The following LRRC49 variants were observed in gnomAD, a reference collection of about 807,000 sequenced individuals.
LRRC49 encodes leucine rich repeat containing 49.
Under a neutral mutation model 83.3 loss-of-function variants are expected in LRRC49, and 50 were observed. The observed-to-expected ratio is 0.60, with a 90% confidence interval of 0.48 to 0.76. The LOEUF is 0.76. Ranked by LOEUF, LRRC49 falls within the 30% of genes least tolerant of loss-of-function variation. The probability of loss-of-function intolerance (pLI) is 0.00; values close to 1 mark genes in which losing one functional copy is unlikely to be tolerated. For synonymous variants in LRRC49, 286 were observed against 283.3 expected (o/e 1.01, Z -0.10); for missense variants, 704 against 809.1 (o/e 0.87, Z 1.58).
At chr15:70,899,424 A>G (rs1247513033) in intron 3 of LRRC49, among the ~76,000 whole-genome samples, 1 of 152,106 alleles carries the variant, frequency 6.6e-6, no homozygotes, top group Non-Finnish European at 1.5e-5. Flanking sequence ...CTTGATTTCC[A>G]AATCAATTTA....
chr15:71,008,496 G>C lies in LRRC49; in HGVS notation c.1287G>C (p.Leu429=). The C allele has an allele frequency of 6.2e-7, 1 of 1,612,716 alleles. No homozygotes were observed. Among genetic ancestry groups the C allele is most frequent in the Non-Finnish European group, 8.5e-7 (1 of 1,179,102 alleles). ...ATGGCTCAGGAGCACTGGAATCTCT[G>C]GATAGGAATTGGAGTGTTCAAACAG... ...SLYGSGALES[L]DRNWSVQTAG... is the part of the protein sequence containing the mutation. The change falls in exon 12 of 16, where the codon CTG becomes CTC. Residue 429 remains leucine, a synonymous_variant. Transcript: ENST00000260382.
rs76360852 is a variant in LRRC49, at chr15:70,997,127, T to C, written c.1170-11252T>C. ...TTCTGTCTGGTTGTTCTATCCATTA[T>C]TGAAGGTAGGGTATTGAAGTCTCCA... On this transcript the variant is annotated intron_variant, in intron 11 of 15. Coordinates refer to ENST00000260382, the MANE Select transcript of LRRC49 (RefSeq NM_017691.5). Among the ~76,000 whole-genome samples the C allele has an allele frequency of 7.4e-4, 112 of 152,322 alleles. 1 individual carries two copies. The highest frequency in any genetic ancestry group is 2.6e-3 in the African/African-American group (108 of 41,568).
intron 1 of LRRC49, among the ~76,000 whole-genome samples, chr15:70,857,279 G>T (rs1047240661): frequency 6.6e-6 from 1 of 152,162 alleles, no homozygotes; most frequent in African/African-American, 2.4e-5. Flanking sequence ...TTTTGAGTGT[G>T]CCTGGCACTA....
At chr15:71,021,591 G>C (rs2038996788) in intron 14 of LRRC49, among the ~76,000 whole-genome samples, 1 of 152,144 alleles carries the variant, frequency 6.6e-6, no homozygotes, top group Non-Finnish European at 1.5e-5. Flanking sequence ...TTTTCTTTGA[G>C]ACTATAGGTC....
At chr15:70,995,083 A>T (rs1354457720) in intron 11 of LRRC49, among the ~76,000 whole-genome samples, 2 of 152,186 alleles carry the variant, frequency 1.3e-5, no homozygotes, top group African/African-American at 4.8e-5. Context: ...AGAGAAGCTA[A>T]ATGTCTGAAA....
chr15:71,049,406 C>T lies in LRRC49; in HGVS notation c.1858-3C>T. On this transcript the variant is annotated splice_polypyrimidine_tract_variant and splice_region_variant and intron_variant, in intron 15 of 15. Transcript: ENST00000260382. ...ATACAAAACTTTCTCTTTTTTTTAA[C>T]AGGAAATAAAGGAAAAGAAGAAATT... 6 of 1,544,478 alleles carry T rather than the reference C, an allele frequency of 3.9e-6. No homozygotes were observed. Among genetic ancestry groups the T allele is most frequent in the Non-Finnish European group, 5.3e-6 (6 of 1,138,578 alleles).
At chr15:70,986,886 A>G (rs2037642316) in intron 11 of LRRC49, among the ~76,000 whole-genome samples, 1 of 152,190 alleles carries the variant, frequency 6.6e-6, no homozygotes, top group South Asian at 2.1e-4. Context: ...GCATCTATTG[A>G]GATAATCATG....
At chr15:70,996,544 C>A (rs1335099671) in intron 11 of LRRC49, among the ~76,000 whole-genome samples, 2 of 152,044 alleles carry the variant, frequency 1.3e-5, no homozygotes, top group Non-Finnish European at 2.9e-5. Flanking sequence ...TCTACCAAAT[C>A]TTTAAATGTA....
rs377194867 is a variant in LRRC49, at chr15:70,992,749, G to A, written c.1169+8492G>A. On this transcript the variant is annotated intron_variant, in intron 11 of 15. Coordinates refer to ENST00000260382, the MANE Select transcript of LRRC49 (RefSeq NM_017691.5). ...GTCTGATTGTTCCTCTGGAGGTTTC[G>A]TCTCAGAGGGGTACCTGGCTGTGTG... Among the ~76,000 whole-genome samples, 368 of 152,352 alleles carry A rather than the reference G, an allele frequency of 2.4e-3. 2 individuals carry two copies. The highest frequency in any genetic ancestry group is 4.6e-3 in the African/African-American group (190 of 41,592).
At chr15:70,867,172 G>C (rs1435493837) in intron 1 of LRRC49, among the ~76,000 whole-genome samples, 2 of 151,796 alleles carry the variant, frequency 1.3e-5, no homozygotes, top group Non-Finnish European at 2.9e-5. Flanking sequence ...GAACTGTGCT[G>C]AGTCATGTAG....
intron 14 of LRRC49, among the ~76,000 whole-genome samples, chr15:71,021,132 T>C (rs933390575): frequency 1.3e-5 from 2 of 152,214 alleles, no homozygotes; most frequent in Non-Finnish European, 2.9e-5. Context: ...CTGGATCCCA[T>C]GTAGTGGCCC....
chr15:70,944,006 A>G lies in LRRC49; in HGVS notation c.773+7184A>G, dbSNP rs187837616. ...TTTTTTTTGTTACGACAGTAAACAT[A>G]AGATTTGTGTATCTGAGGCAGACTG... On this transcript the variant is annotated intron_variant, in intron 8 of 15. Transcript: ENST00000260382. Among the ~76,000 whole-genome samples the G allele has an allele frequency of 2.2e-3, 340 of 152,298 alleles. 2 individuals carry two copies. The highest frequency in any genetic ancestry group is 4.0e-3 in the Non-Finnish European group (271 of 68,034).
At chr15:71,049,353 C>A in intron 15 of LRRC49, 56 bp from the exon 16 acceptor site, 2 of 1,162,484 alleles carry the variant, frequency 1.7e-6, no homozygotes, top group Non-Finnish European at 2.5e-6. Context: ...CTAATTGTTG[C>A]TTTGACTTTT....
upstream of LRRC49, among the ~76,000 whole-genome samples, chr15:70,889,810 G>A (rs2033506578): frequency 6.6e-6 from 1 of 152,148 alleles, no homozygotes; most frequent in Admixed American, 6.5e-5. Context: ...TAGACAGTTA[G>A]TCCTGGGATT....
intron 2 of LRRC49, among the ~76,000 whole-genome samples, chr15:70,883,632 C>G (rs553443070): frequency 2.1e-4 from 31 of 150,778 alleles, no homozygotes; most frequent in African/African-American, 7.3e-4. Context: ...CTGAGAAAAA[C>G]TACATTGTGA....
In LRRC49 at chr15:71,004,514, G is replaced by A. The variant is rs149679912; in HGVS notation, c.1170-3865G>A. ...AATATACAAAAATTAGCTGGGCAAGGTGGCATGTGCCTGTAATCCCAGCTA... is the reference window on the plus strand; with the variant it reads ...AATATACAAAAATTAGCTGGGCAAGATGGCATGTGCCTGTAATCCCAGCTA... On this transcript the variant is annotated intron_variant, in intron 11 of 15. Transcript: ENST00000260382. Among the ~76,000 whole-genome samples the A allele has an allele frequency of 3.3e-5, 5 of 152,192 alleles. No homozygotes were observed. In the East Asian group the frequency reaches 9.7e-4, roughly 29 times the overall value.
intron 11 of LRRC49, among the ~76,000 whole-genome samples, chr15:71,002,511 TG>T (rs907190021): frequency 7.4e-4 from 112 of 152,216 alleles, no homozygotes; most frequent in Non-Finnish European, 1.2e-3. Context: ...CTTGGTGTAA[TG>T]TTTTTTTTTT....
At chr15:71,007,797 G>A (rs1438942329) in intron 11 of LRRC49, among the ~76,000 whole-genome samples, 1 of 146,364 alleles carries the variant, frequency 6.8e-6, no homozygotes, top group Admixed American at 6.8e-5. Context: ...ATTTCAAAGT[G>A]AGGAGGAAAT....
At chr15:71,001,485 T>C (rs1381669752) in intron 11 of LRRC49, among the ~76,000 whole-genome samples, 1 of 152,208 alleles carries the variant, frequency 6.6e-6, no homozygotes, top group Non-Finnish European at 1.5e-5. Flanking sequence ...CAGTGCATAT[T>C]TGAGAACACA....
Sources: gnomAD v4.1 joint callset for allele counts (sites outside exome capture counted in the v4.1 genomes callset) on GRCh38, gnomAD v4.1.1 for gene constraint, MANE v1.5 for transcripts, NCBI Gene and HGNC (gene_info 2026-07-23, HGNC 2026-07-21) for gene names.